The following HOMER2 variants were observed in gnomAD, a reference collection of about 807,000 sequenced individuals.
HOMER2 encodes the protein homer protein homolog 2.
Under a neutral mutation model 47.0 loss-of-function variants are expected in HOMER2, and 27 were observed. The ratio of observed to expected loss-of-function variants is 0.57; its 90% confidence interval spans 0.42 to 0.79. The LOEUF (loss-of-function observed/expected upper bound fraction) is 0.79. HOMER2 is among the 30% of genes least tolerant of loss of function. HOMER2 has a pLI of 0.00. For synonymous variants in HOMER2, 161 were observed against 163.8 expected, an observed-to-expected ratio of 0.98 and a Z score of 0.13; for missense variants, 443 against 435.0, an observed-to-expected ratio of 1.02 and a Z score of -0.16.
intron 1 of HOMER2, among the ~76,000 whole-genome samples, chr15:82,939,744 T>C (rs919204861): frequency 1.3e-5 from 2 of 152,210 alleles, no homozygotes; most frequent in African/African-American, 4.8e-5. Flanking sequence ...TGCCATGTCC[T>C]GACTGACAGC....
chr15:82,847,615 A>T (rs1232303465), downstream of HOMER2, among the ~76,000 whole-genome samples: 1 of 152,232 alleles, frequency 6.6e-6, no homozygotes, highest in Non-Finnish European at 1.5e-5. Context: ...AGAATGTACA[A>T]GTGGCTTCAG....
At chr15:82,909,520 A>C (rs2053393570) in intron 1 of HOMER2, among the ~76,000 whole-genome samples, 1 of 152,052 alleles carries the variant, frequency 6.6e-6, no homozygotes, top group Admixed American at 6.5e-5. Context: ...ATGACTAAGG[A>C]CAGAGCAGGT....
chr15:82,869,083 A>T (rs567424731), intron 3 of HOMER2, among the ~76,000 whole-genome samples: 1 of 152,338 alleles, frequency 6.6e-6, no homozygotes, highest in African/African-American at 2.4e-5. Flanking sequence ...ACTGCCGCAT[A>T]GCTGCTCCTC....
At chr15:82,897,122 A>G (rs1677736821) in intron 1 of HOMER2, among the ~76,000 whole-genome samples, 1 of 131,226 alleles carries the variant, frequency 7.6e-6, no homozygotes, top group African/African-American at 2.9e-5. Flanking sequence ...GCTGGAGTGT[A>G]GTGGCATGAT....
intron 1 of HOMER2, among the ~76,000 whole-genome samples, chr15:82,967,076 C>T (rs900379968): frequency 6.6e-6 from 1 of 151,914 alleles, no homozygotes; most frequent in Non-Finnish European, 1.5e-5. Context: ...ATAGTGAGAC[C>T]CTGTCTCTAC....
At chr15:82,864,013 C>A (rs971409692) in intron 4 of HOMER2, among the ~76,000 whole-genome samples, 154 bp downstream of exon 4, 2 of 152,206 alleles carry the variant, frequency 1.3e-5, no homozygotes, top group South Asian at 4.1e-4. Flanking sequence ...TCAAGAGTCT[C>A]ATAAAAACAT....
chr15:82,852,843 G>T (rs905711022), intron 6 of HOMER2: 1 of 152,570 alleles, frequency 6.6e-6, no homozygotes, highest in African/African-American at 2.4e-5. Flanking sequence ...TCTTCCCCAA[G>T]GCTGAATGGC....
intron 2 of HOMER2, among the ~76,000 whole-genome samples, chr15:82,882,208 CCAAGG>C (rs1384120949): frequency 6.6e-6 from 1 of 151,598 alleles, no homozygotes; most frequent in East Asian, 2.0e-4. Context: ...CAGGGACAAC[CCAAGG>C]TTTGGGTCCT....
chr15:82,947,337 G>A (rs1269335462), intron 1 of HOMER2, among the ~76,000 whole-genome samples: 1 of 152,126 alleles, frequency 6.6e-6, no homozygotes, highest in Non-Finnish European at 1.5e-5. Flanking sequence ...AAAGTAAATC[G>A]GTATAGAGTA....
chr15:82,982,623 T>C (rs894750147), intron 1 of HOMER2, among the ~76,000 whole-genome samples: 2 of 152,186 alleles, frequency 1.3e-5, no homozygotes, highest in Non-Finnish European at 2.9e-5. Flanking sequence ...TCAAAAAGTT[T>C]TGGATTTGGG....
At chr15:82,924,724 G>A (rs1036150845) in intron 1 of HOMER2, among the ~76,000 whole-genome samples, 4 of 152,154 alleles carry the variant, frequency 2.6e-5, no homozygotes, top group Admixed American at 2.0e-4. Flanking sequence ...GTTGTGGGCT[G>A]GGCATCATGC....
intron 1 of HOMER2, among the ~76,000 whole-genome samples, chr15:82,929,481 C>T (rs1239850267): frequency 1.3e-5 from 2 of 151,742 alleles, no homozygotes; most frequent in African/African-American, 4.8e-5. Context: ...CATGGAGAAA[C>T]CCCGTCTCTA....
chr15:82,863,538 C>G (rs1859276651), intron 4 of HOMER2, among the ~76,000 whole-genome samples: 1 of 152,186 alleles, frequency 6.6e-6, no homozygotes, highest in Non-Finnish European at 1.5e-5. Context: ...TAAGTATTCT[C>G]TCCTGAAGTC....
intron 6 of HOMER2, chr15:82,852,927 A>C (rs2151603664): frequency 6.6e-6 from 1 of 152,534 alleles, no homozygotes; most frequent in Non-Finnish European, 1.5e-5. Flanking sequence ...ACAGGGGTGC[A>C]AGGGCTTGGC....
chr15:82,937,027 T>C (rs1484515884), intron 1 of HOMER2, among the ~76,000 whole-genome samples: 1 of 152,166 alleles, frequency 6.6e-6, no homozygotes, highest in East Asian at 1.9e-4. Flanking sequence ...TTGGGTTAGG[T>C]TATAGCAGGC....
intron 2 of HOMER2, among the ~76,000 whole-genome samples, chr15:82,881,489 C>G (rs1411465935): frequency 2.0e-5 from 3 of 152,168 alleles, no homozygotes; most frequent in African/African-American, 7.2e-5. Context: ...TAGTTATTAA[C>G]AGGTGCTTTT....
chr15:82,910,021 T>C (rs2053406838), intron 1 of HOMER2, among the ~76,000 whole-genome samples: 1 of 149,140 alleles, frequency 6.7e-6, no homozygotes, highest in Non-Finnish European at 1.5e-5. Context: ...TAATCTCAGC[T>C]ACTCAGGAGG....
chr15:82,855,949 G>A (rs935900789), intron 5 of HOMER2, among the ~76,000 whole-genome samples: 2 of 152,196 alleles, frequency 1.3e-5, no homozygotes, highest in Non-Finnish European at 1.5e-5. Context: ...AGAGCTGCAC[G>A]TGACAAGCCC....
chr15:82,962,433 G>A (rs1033040967), intron 1 of HOMER2, among the ~76,000 whole-genome samples: 7 of 150,850 alleles, frequency 4.6e-5, no homozygotes, highest in Non-Finnish European at 8.8e-5. Context: ...TTGCAGCACC[G>A]TGGGAGGCTG....
Sources: allele counts gnomAD v4.1 joint callset (sites outside exome capture counted in the v4.1 genomes callset), GRCh38; gene constraint gnomAD v4.1.1; transcripts MANE v1.5; gene names NCBI Gene and HGNC (gene_info 2026-07-23, HGNC 2026-07-21).